Variants in KLHL5 observed in about 807,000 individuals in gnomAD.
The protein encoded by KLHL5 is kelch-like protein 5.
A neutral mutation model predicts 77.7 loss-of-function variants in KLHL5; 48 were observed. The observed-to-expected ratio is 0.62, with a 90% CI of 0.49 to 0.79. The LOEUF is 0.79. Among genes scored for constraint, KLHL5 ranks in the 30% least tolerant of loss-of-function variants. The pLI is 0.00. For synonymous variants in KLHL5, 260 were observed against 297.0 expected (o/e 0.88, Z 1.28); for missense variants, 723 against 859.7 (o/e 0.84, Z 1.99).
At position 39,081,046 on chromosome 4, in the gene KLHL5, T is replaced by C; in HGVS notation, c.567-57T>C. 2 of 1,521,422 alleles carry C rather than the reference T, an allele frequency of 1.3e-6. No individual in the cohort carries two copies. Among genetic ancestry groups the C allele is most frequent in the Non-Finnish European group, 1.8e-6 (2 of 1,124,446 alleles). 94.2% of individuals were successfully genotyped at this position (1,521,422 alleles called of 1,614,324 possible). On this transcript the variant is annotated intron_variant, in intron 2 of 10. Coordinates refer to ENST00000504108, the MANE Select transcript of KLHL5 (RefSeq NM_015990.5). This position sits in a 1 kb window ranked among gnomAD's most constrained non-coding sequence, Gnocchi z 4.3. ...ATAAAAAAGAAGCAGCAGCATTTAT[T>C]AATGAACATCAACTCGAATGTGGTC...
At chr4:39,086,963 T>G (rs1420167208) in intron 5 of KLHL5, among the ~76,000 whole-genome samples, 2 of 133,986 alleles carry the variant, frequency 1.5e-5, no homozygotes, top group Non-Finnish European at 1.5e-5. Context: ...CAGGCTGGAG[T>G]GCAGTGGCAT....
chr4:39,069,470 A>G (rs1273431585), intron 1 of KLHL5, among the ~76,000 whole-genome samples: 2 of 85,970 alleles, frequency 2.3e-5, no homozygotes, highest in Non-Finnish European at 5.3e-5. Flanking sequence ...ATATATATAT[A>G]TATACACACA....
chr4:39,091,145 C>T lies in KLHL5; in HGVS notation c.1113+4418C>T, dbSNP rs528380588. ...CTGGGATTACAGGCGCATGCCACTA[C>T]GCCTGGCTAATTTTTGTATTTTTAG... On this transcript the variant is annotated intron_variant, in intron 5 of 10. Coordinates refer to ENST00000504108, the MANE Select transcript of KLHL5 (RefSeq NM_015990.5). 3.8e-4 allele frequency among the ~76,000 whole-genome samples: 57 copies of T among 151,986 alleles called. 1 individual carries two copies. In the South Asian group the frequency reaches 8.3e-3, roughly 22 times the overall value.
In KLHL5 at chr4:39,096,597, A is replaced by C. The variant is rs569865940; in HGVS notation, c.1114-95A>C. On this transcript the variant is annotated intron_variant, in intron 5 of 10. Coordinates refer to ENST00000504108, the MANE Select transcript of KLHL5 (RefSeq NM_015990.5). ...GTGCCTATGCTTGAATTTTTTAAAA[A>C]TATGTAAAATCCATTTGAGAACTAT... 9 of 826,598 alleles carry C rather than the reference A, an allele frequency of 1.1e-5. No individual in the cohort carries two copies. In the East Asian group the frequency reaches 2.4e-4, roughly 22 times the overall value. 51.2% of individuals were successfully genotyped at this position (826,598 alleles called of 1,614,324 possible).
intron 1 of KLHL5, among the ~76,000 whole-genome samples, chr4:39,050,951 G>A (rs28419614): frequency 0.028 from 4,332 of 152,244 alleles, 178 homozygotes; most frequent in African/African-American, 0.098. Context: ...CCAGGGTAAG[G>A]ATTGACTGAA....
rs960460190 is a variant in KLHL5, at chr4:39,124,366, A to G, written c.*3300A>G. ...AAGGTACTCAAGTCTGTTCAAAACA[A>G]TCTTGAACAAGAATAAAGTTGAAGG... On this transcript the variant is annotated 3_prime_UTR_variant, in exon 11 of 11. Coordinates refer to ENST00000504108, the MANE Select transcript of KLHL5 (RefSeq NM_015990.5). 6.6e-6 allele frequency among the ~76,000 whole-genome samples: 1 copy of G among 152,204 alleles called. No homozygotes were observed. Among genetic ancestry groups the G allele is most frequent in the African/African-American group, 2.4e-5 (1 of 41,448 alleles).
chr4:39,053,194 C>G (rs1390573721), intron 1 of KLHL5, among the ~76,000 whole-genome samples: 5 of 152,182 alleles, frequency 3.3e-5, no homozygotes, highest in Non-Finnish European at 7.3e-5. Flanking sequence ...CATTACTACC[C>G]TTTCCCTACC....
chr4:39,099,254 C>T (rs1477344702), intron 6 of KLHL5, among the ~76,000 whole-genome samples: 2 of 152,116 alleles, frequency 1.3e-5, no homozygotes, highest in Non-Finnish European at 2.9e-5. Context: ...TACCACTGTA[C>T]CCCAGCCTGG....
At position 39,096,721 on chromosome 4, in the gene KLHL5, T is replaced by C. The variant is rs780054757; in HGVS notation, c.1143T>C (p.Leu381=). Residue 381 remains leucine, a synonymous_variant, in exon 6 of 11, where the codon CTT becomes CTC. Transcript: ENST00000504108. ...QFLADMENNV[L]FRDDIECQKL... ...TGGCAGACATGGAAAATAATGTACTTTTTCGGGATGATATAGAATGTCAGA... is the reference window on the plus strand; with the variant it reads ...TGGCAGACATGGAAAATAATGTACTCTTTCGGGATGATATAGAATGTCAGA... 1 of 1,612,954 alleles carries C rather than the reference T, an allele frequency of 6.2e-7. No homozygotes were observed. The highest frequency in any genetic ancestry group is 1.1e-5 in the South Asian group (1 of 91,058).
chr4:39,056,328 CT>C (rs1208907725), intron 1 of KLHL5, among the ~76,000 whole-genome samples: 2 of 152,146 alleles, frequency 1.3e-5, no homozygotes, highest in Admixed American at 1.3e-4. Context: ...CCAGGCTGGT[CT>C]CGAATTCCTG....
At chr4:39,073,094 A>T (rs555120160) in intron 1 of KLHL5, among the ~76,000 whole-genome samples, 3 of 152,310 alleles carry the variant, frequency 2.0e-5, no homozygotes, top group East Asian at 3.9e-4. Flanking sequence ...AATAATATTT[A>T]AAAAATTATT....
intron 7 of KLHL5, among the ~76,000 whole-genome samples, chr4:39,104,514 G>T (rs1231261496): frequency 6.6e-6 from 1 of 152,138 alleles, no homozygotes; most frequent in Admixed American, 6.5e-5. Flanking sequence ...TATGGATATA[G>T]TACATAGAAT....
intron 1 of KLHL5, among the ~76,000 whole-genome samples, chr4:39,068,485 C>T (rs1718111468): frequency 6.8e-6 from 1 of 147,156 alleles, no homozygotes; most frequent in Non-Finnish European, 1.5e-5. Flanking sequence ...ATATAGGGTT[C>T]AAGGAGTTCA....
In KLHL5 at chr4:39,121,868, A is replaced by G. The variant is rs1723230033; in HGVS notation, c.*802A>G. Reference sequence around the variant, plus strand: ...ACCTAATTAGTATTTAATTATATGGATTTGTTTTATATTATAAAAGATGTT... The same window carrying G: ...ACCTAATTAGTATTTAATTATATGGGTTTGTTTTATATTATAAAAGATGTT... On this transcript the variant is annotated 3_prime_UTR_variant, in exon 11 of 11. Transcript: ENST00000504108. The G allele has an allele frequency of 6.6e-6, 1 of 152,542 alleles. No homozygotes were observed. The highest frequency in any genetic ancestry group is 1.5e-5 in the Non-Finnish European group (1 of 68,010). The allele number at this position is 152,542 out of a possible 1,614,324, so 9.4% of individuals were successfully genotyped here. A position where few individuals can be genotyped will look rare whatever the true frequency, so the allele number is the denominator to read the frequency against.
intron 1 of KLHL5, among the ~76,000 whole-genome samples, chr4:39,071,434 G>A (rs1044429547): frequency 6.6e-6 from 1 of 152,142 alleles, no homozygotes; most frequent in African/African-American, 2.4e-5. Flanking sequence ...AGAAATTCTA[G>A]TGTAAATTCT....
At position 39,062,488 on chromosome 4, in the gene KLHL5, G is replaced by A. The variant is rs1335903341; in HGVS notation, c.-165G>A. 2 of 1,584,436 alleles carry A rather than the reference G, an allele frequency of 1.3e-6. No homozygotes were observed. Among genetic ancestry groups the A allele is most frequent in the African/African-American group, 2.7e-5 (2 of 73,652 alleles). ...TTTGTTCTTTAAAATCTGATATATT[G>A]GCATAAAAGTAATTGTAGATATATA... is the stretch of plus-strand genomic sequence containing the variant. On this transcript the variant is annotated 5_prime_UTR_variant, in exon 1 of 11. Coordinates refer to ENST00000504108, the MANE Select transcript of KLHL5 (RefSeq NM_015990.5).
At chr4:39,137,389 G>A in the KLHL5 span, among the ~76,000 whole-genome samples, 3 of 151,534 alleles carry the variant, frequency 2.0e-5, no homozygotes, top group African/African-American at 7.3e-5. Context: ...GGAGGCCAAA[G>A]TGGGGAGGAT....
intron 5 of KLHL5, among the ~76,000 whole-genome samples, chr4:39,093,822 C>T (rs1206856017): frequency 6.6e-6 from 1 of 151,948 alleles, no homozygotes; most frequent in African/African-American, 2.4e-5. Flanking sequence ...AGGAGAATTG[C>T]CTGAACCTGG....
chr4:39,103,468 T>A lies in KLHL5; in HGVS notation c.1482T>A (p.Thr494=), dbSNP rs755872454. Residue 494 remains threonine (T), a synonymous_variant, in exon 7 of 11, where the codon ACT becomes ACA. Coordinates refer to ENST00000504108, the MANE Select transcript of KLHL5 (RefSeq NM_015990.5). ...AGTGCTACAACCCCAAAACAAAAAC[T>A]TGGAGTGTGATGCCACCTATGTCCA... is the stretch of plus-strand genomic sequence containing the variant. ...TVECYNPKTK[T]WSVMPPMSTH... is the part of the protein sequence containing the mutation. 6.2e-7 allele frequency: 1 copy of A among 1,614,136 alleles called. No homozygotes were observed. The highest frequency in any genetic ancestry group is 1.1e-5 in the South Asian group (1 of 91,082).
Sources: gnomAD v4.1 joint callset for allele counts (sites outside exome capture counted in the v4.1 genomes callset) on GRCh38, gnomAD v4.1.1 for gene constraint, Gnocchi (gnomAD v3.1) non-coding constraint, MANE v1.5 for transcripts, NCBI Gene and HGNC (gene_info 2026-07-23, HGNC 2026-07-21) for gene names.